The following MCF2L2 variants were observed in gnomAD, a reference collection of about 807,000 sequenced individuals.
MCF2L2 encodes probable guanine nucleotide exchange factor MCF2L2.
Under a neutral mutation model 150.2 loss-of-function variants are expected in MCF2L2, and 102 were observed. The observed-to-expected ratio is 0.68, with a 90% CI of 0.58 to 0.80. MCF2L2 has a LOEUF of 0.80. MCF2L2 is among the 30% of genes least tolerant of loss of function. The probability of loss-of-function intolerance (pLI) is 0.00; values close to 1 mark genes in which losing one functional copy is unlikely to be tolerated. For missense variants in MCF2L2, 1,256 were observed against 1,372.8 expected (o/e 0.91, Z 1.34); for synonymous variants, 465 against 491.3 (o/e 0.95, Z 0.71).
intron 3 of MCF2L2, among the ~76,000 whole-genome samples, chr3:183,370,411 G>A (rs985837063): frequency 6.6e-6 from 1 of 152,250 alleles, no homozygotes; most frequent in Non-Finnish European, 1.5e-5. Context: ...AAGTGACCAA[G>A]AAGAAAAATC....
At chr3:183,219,263 T>C (rs144773506) in intron 21 of MCF2L2, among the ~76,000 whole-genome samples, 1 of 152,340 alleles carries the variant, frequency 6.6e-6, no homozygotes, top group African/African-American at 2.4e-5. Context: ...CATATCTATT[T>C]ACTTCCAGTC....
intron 18 of MCF2L2, chr3:183,225,818 T>C (rs1723321830): frequency 6.6e-6 from 1 of 152,254 alleles, no homozygotes; most frequent in Non-Finnish European, 1.5e-5. Flanking sequence ...TTTTACTTTA[T>C]GGAATCCTCT....
At chr3:183,279,140 C>T (rs1053090217) in intron 14 of MCF2L2, among the ~76,000 whole-genome samples, 1 of 151,350 alleles carries the variant, frequency 6.6e-6, no homozygotes, top group East Asian at 1.9e-4. Flanking sequence ...CTGACCACAA[C>T]TCACAAGAAG....
intron 15 of MCF2L2, among the ~76,000 whole-genome samples, chr3:183,275,466 T>C (rs981292262): frequency 1.6e-4 from 25 of 152,272 alleles, no homozygotes; most frequent in African/African-American, 6.0e-4. Flanking sequence ...TACCTCTTGA[T>C]TAACTCAGTG....
chr3:183,355,071 C>T (rs914941391), intron 3 of MCF2L2, among the ~76,000 whole-genome samples: 64 of 149,948 alleles, frequency 4.3e-4, no homozygotes, highest in African/African-American at 1.5e-3. Flanking sequence ...ATTTATTATT[C>T]ATTATATTAT....
chr3:183,336,826 A>G (rs1351258732), intron 5 of MCF2L2, among the ~76,000 whole-genome samples: 2 of 151,378 alleles, frequency 1.3e-5, no homozygotes, highest in African/African-American at 4.9e-5. Context: ...ACTGCACTCC[A>G]GCCTGGGCAA....
chr3:183,185,316 C>A (rs1031491240), intron 27 of MCF2L2, among the ~76,000 whole-genome samples: 1 of 152,226 alleles, frequency 6.6e-6, no homozygotes, highest in African/African-American at 2.4e-5. Context: ...AAAAGCAATG[C>A]CTAAACCCCC....
intron 1 of MCF2L2, among the ~76,000 whole-genome samples, chr3:183,392,539 C>T (rs182784335): frequency 2.6e-5 from 4 of 152,328 alleles, no homozygotes; most frequent in South Asian, 4.1e-4. Context: ...CAATGAGCTG[C>T]TTTGCTTTAA....
chr3:183,287,418 T>C (rs141320761), intron 14 of MCF2L2: 3 of 152,196 alleles, frequency 2.0e-5, no homozygotes, highest in Non-Finnish European at 4.4e-5. Flanking sequence ...TGTGATCATG[T>C]GACACAGTCC....
In MCF2L2 at chr3:183,355,474, G is replaced by T. The variant is rs188328230; in HGVS notation, c.276-13844C>A. On this transcript the variant is annotated intron_variant, in intron 3 of 29. Coordinates refer to ENST00000328913, the MANE Select transcript of MCF2L2 (RefSeq NM_015078.4). ...TCCTTTTTTTTTTTTTTGAGACGGA[G>T]TCTCGCTCTGTCGCATAGGTGGAGT... Among the ~76,000 whole-genome samples, 3 of 151,036 alleles carry T rather than the reference G, an allele frequency of 2.0e-5. No homozygotes were observed. The East Asian group carries it at 5.9e-4, about 29-fold the overall frequency.
rs144646232 is a variant in MCF2L2, at chr3:183,270,681, A to G, written c.1862+6191T>C. The G allele has an allele frequency of 6.3e-5, 101 of 1,614,158 alleles. No homozygotes were observed. In the African/African-American group the frequency reaches 1.3e-3, roughly 20 times the overall value. On this transcript the variant is annotated intron_variant, in intron 15 of 29. Coordinates refer to ENST00000328913, the MANE Select transcript of MCF2L2 (RefSeq NM_015078.4). This position sits in a 1 kb window ranked among gnomAD's most constrained non-coding sequence, Gnocchi z 4.5. ...GGGCCTCTGTGCCAATAAAATAGGG[A>G]TAGTACCGCAGGACCATGTGTTTTT...
chr3:183,293,652 T>C (rs1728295008), intron 13 of MCF2L2, among the ~76,000 whole-genome samples: 1 of 152,214 alleles, frequency 6.6e-6, no homozygotes, highest in Non-Finnish European at 1.5e-5. Flanking sequence ...ACTCTTTTCC[T>C]AATATTGGGA....
chr3:183,221,523 T>G (rs867868476), intron 20 of MCF2L2, among the ~76,000 whole-genome samples: 4 of 152,272 alleles, frequency 2.6e-5, no homozygotes, highest in Middle Eastern at 6.8e-3. Context: ...CCCACAGCCC[T>G]CTGCGTCTGG....
chr3:183,196,603 C>A (rs1314450479), intron 25 of MCF2L2, among the ~76,000 whole-genome samples: 1 of 152,086 alleles, frequency 6.6e-6, no homozygotes, highest in African/African-American at 2.4e-5. Context: ...CCACTGTGGG[C>A]CCTCTCTAAA....
chr3:183,255,688 T>C (rs565924767), intron 15 of MCF2L2, among the ~76,000 whole-genome samples: 1 of 152,030 alleles, frequency 6.6e-6, no homozygotes, highest in African/African-American at 2.4e-5. Context: ...ACTCAGAAGG[T>C]GCAGAAGAGT....
intron 1 of MCF2L2, among the ~76,000 whole-genome samples, chr3:183,400,755 A>AT (rs933680315): frequency 1.7e-4 from 25 of 147,874 alleles, no homozygotes; most frequent in East Asian, 2.0e-4. Context: ...GAGAATCAGA[A>AT]TTTTTTTTTT....
chr3:183,219,800 T>C (rs1170738247), intron 21 of MCF2L2, 56 bp downstream of exon 21: 62 of 1,208,824 alleles, frequency 5.1e-5, no homozygotes, highest in Admixed American at 3.7e-4. Flanking sequence ...CTCCGACCCA[T>C]AGACAAACAC....
At chr3:183,321,308 C>T (rs1053018355) in intron 6 of MCF2L2, among the ~76,000 whole-genome samples, 3 of 152,028 alleles carry the variant, frequency 2.0e-5, no homozygotes, top group East Asian at 3.9e-4. Flanking sequence ...CGTGGTGGCG[C>T]GTGCCTGTAA....
At chr3:183,312,777 T>G (rs1234168394) in intron 7 of MCF2L2, among the ~76,000 whole-genome samples, 1 of 152,198 alleles carries the variant, frequency 6.6e-6, no homozygotes, top group Non-Finnish European at 1.5e-5. Context: ...CTTTGTTCCT[T>G]GTGTCCCATC....
Sources: gnomAD v4.1 joint callset for allele counts (sites outside exome capture counted in the v4.1 genomes callset) on GRCh38, gnomAD v4.1.1 for gene constraint, Gnocchi (gnomAD v3.1) non-coding constraint, MANE v1.5 for transcripts, NCBI Gene and HGNC (gene_info 2026-07-23, HGNC 2026-07-21) for gene names.